The following CLNK variants were observed in gnomAD, a reference collection of about 807,000 sequenced individuals.
The protein encoded by CLNK is cytokine-dependent hematopoietic cell linker.
CLNK carries 74 observed loss-of-function variants against 68.6 expected under a neutral mutation model. The ratio of observed to expected loss-of-function variants is 1.08; its 90% CI spans 0.89 to 1.31. The LOEUF (loss-of-function observed/expected upper bound fraction) is 1.31, where lower values mean the gene tolerates loss of function less well. CLNK is among the 50% of genes most tolerant of loss of function. CLNK has a pLI of 0.00. For missense variants in CLNK, 553 were observed against 515.3 expected (o/e 1.07, Z -0.71); for synonymous variants, 198 against 172.2 (o/e 1.15, Z -1.17).
rs2109013361 is a variant in CLNK, at chr4:10,489,326, T to A, written c.*1141A>T. 1 of 152,328 alleles carries A rather than the reference T, an allele frequency of 6.6e-6. No individual in the cohort carries two copies. Among genetic ancestry groups the A allele is most frequent in the African/African-American group, 2.4e-5 (1 of 41,582 alleles). The allele number at this position is 152,328 out of a possible 1,614,324, so 9.4% of individuals were successfully genotyped here. A position where few individuals can be genotyped will look rare whatever the true frequency, so the allele number is the denominator to read the frequency against. On this transcript the variant is annotated 3_prime_UTR_variant, in exon 19 of 19. Coordinates refer to ENST00000226951, the MANE Select transcript of CLNK (RefSeq NM_052964.4). ...GCAACGTTACTGCAAGAATTAGCAC[T>A]AATTTGAGGACAGTTTTTCTCTGTC...
chr4:10,657,181 G>A (rs996405946), intron 2 of CLNK, among the ~76,000 whole-genome samples: 2 of 152,154 alleles, frequency 1.3e-5, no homozygotes, highest in Admixed American at 1.3e-4. Context: ...CAGTCTGGGT[G>A]CAAGATAAAA....
intron 17 of CLNK, among the ~76,000 whole-genome samples, chr4:10,505,720 C>A (rs1338266282): frequency 6.6e-6 from 1 of 152,108 alleles, no homozygotes; most frequent in Non-Finnish European, 1.5e-5. Flanking sequence ...CTTACAAGGA[C>A]CTTTGTGATT....
rs13127306 is a variant in CLNK, at chr4:10,490,007, T to G, written c.*460A>C. The G allele has an allele frequency of 0.72, 112,504 of 155,388 alleles. 41,226 individuals are homozygous for G. The highest frequency in any genetic ancestry group is 0.79 in the Non-Finnish European group (55,845 of 70,584). 9.6% of individuals were successfully genotyped at this position (155,388 alleles called of 1,614,324 possible). ...AGAAATCATCCACACATTGTATATA[T>G]GTAAGGCCCAACAACTGACATAAAG... On this transcript the variant is annotated 3_prime_UTR_variant, in exon 19 of 19. Transcript: ENST00000226951.
At position 10,578,579 on chromosome 4, in the gene CLNK, CTTTTTTTTTTTT is replaced by C. The variant is rs5856062; in HGVS notation, c.112+6336_112+6347del. On this transcript the variant is annotated intron_variant, in intron 4 of 18. Transcript: ENST00000226951. ...TTCTCTTGGACTTGGCTTACCTTATCTTTTTTTTTTTTTTTTTTTTTTTTTGAGATGGAGTTT... is the reference window on the plus strand; with the variant it reads ...TTCTCTTGGACTTGGCTTACCTTATCTTTTTTTTTTTTTGAGATGGAGTTT... Among the ~76,000 whole-genome samples the C allele has an allele frequency of 1.6e-4, 7 of 44,924 alleles. No homozygotes were observed. In the South Asian group the frequency reaches 3.7e-3, roughly 24 times the overall value. The allele number at this position is 44,924 out of a possible 152,430, so 29.5% of individuals were successfully genotyped here.
intron 4 of CLNK, 117 bp downstream of exon 4, chr4:10,584,810 G>T (rs1720911867): frequency 1.9e-6 from 2 of 1,079,690 alleles, no homozygotes; most frequent in African/African-American, 1.6e-5. Flanking sequence ...ACTAGCTAAT[G>T]TCATTTCAAA....
chr4:10,514,605 A>G (rs1386883431), intron 15 of CLNK, among the ~76,000 whole-genome samples: 1 of 150,320 alleles, frequency 6.7e-6, no homozygotes, highest in African/African-American at 2.5e-5. Context: ...TCAATTCAAG[A>G]TGGATTAAAG....
chr4:10,565,708 A>G (rs17383005), intron 6 of CLNK, among the ~76,000 whole-genome samples: 26,067 of 152,020 alleles, frequency 0.17, 2,438 homozygotes, highest in African/African-American at 0.23. Flanking sequence ...GAGCATCGTG[A>G]TAATAACAGC....
intron 4 of CLNK, among the ~76,000 whole-genome samples, chr4:10,581,161 T>C (rs958528632): frequency 9.2e-5 from 14 of 152,204 alleles, no homozygotes; most frequent in Non-Finnish European, 2.9e-5. Context: ...CTAGGTGCAA[T>C]AGACCATGCT....
Position 10,558,419 on chromosome 4 carries a change from G to T in CLNK, c.433C>A (p.Gln145Lys). The T allele has an allele frequency of 1.2e-6, 2 of 1,613,622 alleles. No individual in the cohort carries two copies. Among genetic ancestry groups the T allele is most frequent in the Non-Finnish European group, 1.7e-6 (2 of 1,179,708 alleles). Reference protein sequence around the residue: ...DKPISKDVRSQNIKGDASVRK... With the variant: ...DKPISKDVRSKNIKGDASVRK... ...AACATGACTTTACCTTTAATGTTTT[G>T]GCTTCTGACGTCCTTGGAAATGGGT... The change falls in exon 8 of 19, where the codon CAA becomes AAA. Residue 145 changes from glutamine to lysine, a missense_variant. Transcript: ENST00000226951.
chr4:10,602,434 G>C (rs1218395439), intron 2 of CLNK, among the ~76,000 whole-genome samples: 1 of 152,140 alleles, frequency 6.6e-6, no homozygotes, highest in Non-Finnish European at 1.5e-5. Context: ...CTAAATCTTG[G>C]GTTAAAGTGT....
chr4:10,708,803 T>C, the CLNK span, among the ~76,000 whole-genome samples: 1 of 152,138 alleles, frequency 6.6e-6, no homozygotes, highest in Admixed American at 6.5e-5. Context: ...TTGAAAGGAA[T>C]TGAAGAGCCT....
At chr4:10,551,423 A>G (rs1719450093) in intron 8 of CLNK, among the ~76,000 whole-genome samples, 1 of 125,952 alleles carries the variant, frequency 7.9e-6, no homozygotes, top group South Asian at 2.5e-4. Context: ...TTTTTTGTAT[A>G]TATATATATT....
At chr4:10,493,626 A>G (rs183921000) in intron 18 of CLNK, among the ~76,000 whole-genome samples, 2 of 152,306 alleles carry the variant, frequency 1.3e-5, no homozygotes, top group African/African-American at 4.8e-5. Flanking sequence ...TTGGAGGAAT[A>G]CAAACATTCA....
intron 4 of CLNK, among the ~76,000 whole-genome samples, chr4:10,583,470 A>G (rs1720861609): frequency 6.6e-6 from 1 of 152,068 alleles, no homozygotes. Context: ...TATTTTTAGT[A>G]GAGATAGTGT....
intron 8 of CLNK, among the ~76,000 whole-genome samples, chr4:10,551,044 G>A (rs116411955): frequency 1.4e-4 from 22 of 152,194 alleles, no homozygotes; most frequent in Non-Finnish European, 2.9e-4. Flanking sequence ...GACTGCTCAG[G>A]ATTTCATCGT....
At chr4:10,565,056 A>T (rs1309797592) in intron 6 of CLNK, among the ~76,000 whole-genome samples, 1 of 152,162 alleles carries the variant, frequency 6.6e-6, no homozygotes, top group Admixed American at 6.6e-5. Context: ...TGGCTATGCC[A>T]TGCCCTTTAA....
At chr4:10,729,000 G>A in the CLNK span, among the ~76,000 whole-genome samples, 1 of 152,092 alleles carries the variant, frequency 6.6e-6, no homozygotes, top group East Asian at 1.9e-4. Context: ...ATTATTCTGT[G>A]GAATCATATC....
At chr4:10,604,991 A>G (rs533969200) in intron 2 of CLNK, among the ~76,000 whole-genome samples, 18 of 152,344 alleles carry the variant, frequency 1.2e-4, no homozygotes, top group African/African-American at 4.3e-4. Context: ...GCCTCATCCA[A>G]TCAGCTGAAG....
intron 17 of CLNK, among the ~76,000 whole-genome samples, chr4:10,501,825 G>A (rs1296430722): frequency 6.6e-6 from 1 of 152,240 alleles, no homozygotes; most frequent in African/African-American, 2.4e-5. Flanking sequence ...TACTCAGGAG[G>A]CTGAGGCAGG....
Sources: gnomAD v4.1 joint callset for allele counts (sites outside exome capture counted in the v4.1 genomes callset) on GRCh38, gnomAD v4.1.1 for gene constraint, MANE v1.5 for transcripts, NCBI Gene and HGNC (gene_info 2026-07-23, HGNC 2026-07-21) for gene names.